TMF1: variants seen among roughly 807,000 people sequenced by gnomAD.
TMF1 encodes TATA element modulatory factor 1.
In TMF1, 71 loss-of-function variants were observed where a neutral mutation model predicts 126.5. That is an observed-to-expected ratio of 0.56 (90% confidence interval 0.46 to 0.68). TMF1 has a LOEUF of 0.68. Among genes scored for constraint, TMF1 ranks in the 30% least tolerant of loss-of-function variants. The probability of loss-of-function intolerance (pLI) is 0.00; values close to 1 mark genes in which losing one functional copy is unlikely to be tolerated. For synonymous variants in TMF1, 461 were observed against 430.5 expected (o/e 1.07, Z -0.88); for missense variants, 1,259 against 1,253.2 (o/e 1.00, Z -0.07).
Position 69,039,564 on chromosome 3 carries a change from T to C in TMF1, c.1814A>G (p.Gln605Arg). Residue 605 changes from glutamine to arginine, a missense_variant, in exon 6 of 17, where the codon CAG (glutamine) becomes CGG (arginine). Transcript: ENST00000398559. ...KKVKELEEEL[Q>R]HLKQVLDGKE... ...ATTGCTATTCACCTGTTTCAAATGC[T>C]GCAACTCCTCTTCTAGCTCTTTAAC... is the stretch of plus-strand genomic sequence containing the variant. 1 of 1,612,502 alleles carries C rather than the reference T, an allele frequency of 6.2e-7. No homozygotes were observed. Among genetic ancestry groups the C allele is most frequent in the Non-Finnish European group, 8.5e-7 (1 of 1,179,692 alleles).
At chr3:69,042,337 C>G (rs762801975) in intron 5 of TMF1, 29 of 455,742 alleles carry the variant, frequency 6.4e-5, no homozygotes, top group Non-Finnish European at 1.2e-4. Context: ...CACACTCAGC[C>G]AACCCTGTTT....
Position 69,033,547 on chromosome 3 carries a change from C to A in TMF1, c.2401+1G>T, listed in dbSNP as rs1227762445. The A allele has an allele frequency of 5.0e-6, 8 of 1,611,228 alleles. No homozygotes were observed. Among genetic ancestry groups the A allele is most frequent in the African/African-American group, 1.3e-5 (1 of 74,712 alleles). On this transcript the variant is annotated splice_donor_variant, in intron 10 of 16. Coordinates refer to ENST00000398559, the MANE Select transcript of TMF1 (RefSeq NM_007114.3). LOFTEE classifies it high-confidence loss of function. ...TCGAGCATAAAAACTAAAGCAGTTA[C>A]CAAGCCTATCAGAAAGATTCTTCTC...
In TMF1 at chr3:69,021,703, C is replaced by T. The variant is rs1458408739; in HGVS notation, c.*1474G>A. 6 of 146,356 alleles carry T rather than the reference C, an allele frequency of 4.1e-5. No individual in the cohort carries two copies. Among genetic ancestry groups the T allele is most frequent in the Middle Eastern group, 3.4e-3 (1 of 294 alleles). The allele number at this position is 146,356 out of a possible 1,614,324, so 9.1% of individuals were successfully genotyped here. A position where few individuals can be genotyped will look rare whatever the true frequency, so the allele number is the denominator to read the frequency against. ...AGAGTTTGTTTTTTTTTTTTTGAGA[C>T]GGAGTCTTTCTCTGTCACCCATGCT... On this transcript the variant is annotated 3_prime_UTR_variant, in exon 17 of 17. Transcript: ENST00000398559.
At chr3:69,038,386 G>A (rs545538391) in intron 8 of TMF1, among the ~76,000 whole-genome samples, 178 bp downstream of exon 8, 2 of 152,234 alleles carry the variant, frequency 1.3e-5, no homozygotes, top group South Asian at 2.1e-4. Context: ...CTGGTATCAC[G>A]TAAGCATTAC....
In TMF1 at chr3:69,048,225, T is replaced by C; in HGVS notation, c.480A>G (p.Ser160=). 1.2e-6 allele frequency: 2 copies of C among 1,614,230 alleles called. No homozygotes were observed. Among genetic ancestry groups the C allele is most frequent in the Non-Finnish European group, 8.5e-7 (1 of 1,180,042 alleles). Residue 160 remains serine (S), a synonymous_variant, in exon 2 of 17, where the codon TCA becomes TCG. Coordinates refer to ENST00000398559, the MANE Select transcript of TMF1 (RefSeq NM_007114.3). ...AAGTACCTGCTGCCAGAGTTTCCCC[T>C]GAAACACACAAAGAAGAGTCTTTTA... ...SQVKDSSLCV[S]GETLAAGTSS...
intron 8 of TMF1, among the ~76,000 whole-genome samples, chr3:69,036,823 T>A (rs921144368): frequency 6.6e-6 from 1 of 152,174 alleles, no homozygotes; most frequent in African/African-American, 2.4e-5. Context: ...ACTACAAAAC[T>A]CTTAGAAGAA....
At chr3:69,046,279 G>C (rs900302334) in intron 2 of TMF1, among the ~76,000 whole-genome samples, 3 of 124,354 alleles carry the variant, frequency 2.4e-5, no homozygotes, top group African/African-American at 9.1e-5. Flanking sequence ...GAGTAGGAAG[G>C]GTTCCTTTTT....
intron 2 of TMF1, among the ~76,000 whole-genome samples, chr3:69,044,953 C>G (rs187475515): frequency 6.6e-6 from 1 of 152,126 alleles, no homozygotes; most frequent in African/African-American, 2.4e-5. Flanking sequence ...TATAAGAATA[C>G]TTTATGTAGC....
intron 8 of TMF1, among the ~76,000 whole-genome samples, chr3:69,036,626 C>G (rs2091832892): frequency 2.0e-5 from 3 of 152,168 alleles, no homozygotes. Context: ...AAATGGGGAG[C>G]AGCTAAATTG....
chr3:69,024,773 A>T (rs1364358703), intron 15 of TMF1: 6 of 147,504 alleles, frequency 4.1e-5, no homozygotes, highest in Non-Finnish European at 1.5e-5. Context: ...CTGATTCAAA[A>T]TGCTTGAGAC....
chr3:69,021,323 G>A lies in TMF1; in HGVS notation c.*1854C>T, dbSNP rs969149701. The A allele has an allele frequency of 6.6e-6, 1 of 152,472 alleles. No individual in the cohort carries two copies. The highest frequency in any genetic ancestry group is 1.5e-5 in the Non-Finnish European group (1 of 68,024). The allele number at this position is 152,472 out of a possible 1,614,324, so 9.4% of individuals were successfully genotyped here. ...GGGGTCTTGGAACGTATGTCCCATG[G>A]GTAAGAGGGAACTACTATATTTTCT... On this transcript the variant is annotated 3_prime_UTR_variant, in exon 17 of 17. Coordinates refer to ENST00000398559, the MANE Select transcript of TMF1 (RefSeq NM_007114.3).
Position 69,043,792 on chromosome 3 carries a change from C to G in TMF1, c.1536G>C (p.Lys512Asn). 1 of 1,612,338 alleles carries G rather than the reference C, an allele frequency of 6.2e-7. No individual in the cohort carries two copies. ...EFTQRIAEAE[K>N]KVQLACKERD... ...TCTCTTTGCAGGCTAGTTGAACTTT[C>G]TTTTCTGCTTCTGCAATTCTTTGAG... Residue 512 changes from lysine to asparagine, a missense_variant, in exon 4 of 17, where the codon AAG becomes AAC. Physicochemically the swap from Lys to Asn is moderately conservative, Grantham distance 94 (BLOSUM62 0). Transcript: ENST00000398559.
At chr3:69,043,401 C>T (rs2091878139) in intron 4 of TMF1, among the ~76,000 whole-genome samples, 1 of 152,086 alleles carries the variant, frequency 6.6e-6, no homozygotes. Context: ...AACTCCTGGG[C>T]TCAAGCGATC....
At chr3:69,051,630 G>A (rs1012641313) in intron 1 of TMF1, among the ~76,000 whole-genome samples, 1 of 152,112 alleles carries the variant, frequency 6.6e-6, no homozygotes. Context: ...GGTTCGGGAA[G>A]GTTGTGCTTG....
chr3:69,049,131 A>G (rs1197211223), intron 1 of TMF1: 3 of 152,826 alleles, frequency 2.0e-5, no homozygotes, highest in African/African-American at 7.2e-5. Context: ...CACACCTATA[A>G]TCCCAACACT....
chr3:69,035,136 C>T lies in TMF1; in HGVS notation c.2152-21G>A, dbSNP rs777243466. On this transcript the variant is annotated intron_variant, in intron 8 of 16. Transcript: ENST00000398559. ...CCCACCTGTAGGAGGAGAAACAATA[C>T]ATTCACAAACAATGGTACAGTATTA... 3 of 1,583,482 alleles carry T rather than the reference C, an allele frequency of 1.9e-6. No homozygotes were observed. In the South Asian group the frequency reaches 3.3e-5, roughly 18 times the overall value.
rs1470197716 is a variant in TMF1 at position 69,028,380 on chromosome 3, C to T, written c.2595-85G>A. The T allele has an allele frequency of 1.5e-5, 12 of 803,488 alleles. No homozygotes were observed. The East Asian group carries it at 3.0e-4, about 20-fold the overall frequency. The allele number at this position is 803,488 out of a possible 1,614,324, so 49.8% of individuals were successfully genotyped here. Reference sequence around the variant, plus strand: ...TTAAAAACTCAGTACTTTATTAACTCCAGCTACATATTGAGAAATCATTTT... The same window carrying T: ...TTAAAAACTCAGTACTTTATTAACTTCAGCTACATATTGAGAAATCATTTT... On this transcript the variant is annotated intron_variant, in intron 11 of 16. Coordinates refer to ENST00000398559, the MANE Select transcript of TMF1 (RefSeq NM_007114.3).
chr3:69,051,627 G>C (rs1032853274), intron 1 of TMF1, among the ~76,000 whole-genome samples: 1 of 152,148 alleles, frequency 6.6e-6, no homozygotes, highest in Non-Finnish European at 1.5e-5. Flanking sequence ...TCAGGTTCGG[G>C]AAGGTTGTGC....
rs1386529050 is a variant in TMF1, at chr3:69,039,544, T to C, written c.1827+7A>G. 6.8e-6 allele frequency: 11 copies of C among 1,609,778 alleles called. No individual in the cohort carries two copies. In the East Asian group the frequency reaches 8.9e-5, roughly 13 times the overall value. ...TATATATGTAGAGAATTATGATTGCTATTCACCTGTTTCAAATGCTGCAAC... is the reference window on the plus strand; with the variant it reads ...TATATATGTAGAGAATTATGATTGCCATTCACCTGTTTCAAATGCTGCAAC... On this transcript the variant is annotated splice_region_variant and intron_variant, in intron 6 of 16. Transcript: ENST00000398559.
Sources: gnomAD v4.1 joint callset for allele counts (sites outside exome capture counted in the v4.1 genomes callset) on GRCh38, gnomAD v4.1.1 for gene constraint, MANE v1.5 for transcripts, NCBI Gene and HGNC (gene_info 2026-07-23, HGNC 2026-07-21) for gene names.